Variants in CLUH observed in about 807,000 individuals in gnomAD.
CLUH encodes the protein CLUH binding protein of NUMT mRNA, also known as clustered mitochondria protein homolog.
CLUH carries 77 observed loss-of-function variants against 139.3 expected under a neutral mutation model. The observed-to-expected ratio is 0.55, with a 90% CI of 0.46 to 0.67. The LOEUF (loss-of-function observed/expected upper bound fraction) is 0.67. Among genes scored for constraint, CLUH ranks in the 30% least tolerant of loss-of-function variants. The probability of loss-of-function intolerance (pLI) is 0.00; values close to 1 mark genes in which losing one functional copy is unlikely to be tolerated. For missense variants in CLUH, 1,876 were observed against 1,875.8 expected, an observed-to-expected ratio of 1.00 and a Z score of 0.00; for synonymous variants, 999 against 801.6, an observed-to-expected ratio of 1.25 and a Z score of -4.16.
Position 2,707,207 on chromosome 17 carries a change from T to C in CLUH, c.101-2643A>G. ...TTGGCAGCTGCCCTCCCCTCGGCTC[T>C]GGAGTCTCAGGATGGCCGTGGCAGC... On this transcript the variant is annotated intron_variant, in intron 1 of 25. Transcript: ENST00000651024. This position sits in a 1 kb window ranked among gnomAD's most constrained non-coding sequence, Gnocchi z 7.4. 1.0e-6 allele frequency: 1 copy of C among 985,418 alleles called. No homozygotes were observed. The highest frequency in any genetic ancestry group is 1.2e-6 in the Non-Finnish European group (1 of 829,918). The allele number at this position is 985,418 out of a possible 1,614,324, so 61.0% of individuals were successfully genotyped here.
At chr17:2,709,702 G>A (rs539332245) in intron 1 of CLUH, among the ~76,000 whole-genome samples, 7 of 152,122 alleles carry the variant, frequency 4.6e-5, no homozygotes, top group Non-Finnish European at 7.4e-5. Context: ...CTTCCTAAGG[G>A]GGCTGAAGAG....
chr17:2,700,543 C>A, intron 8 of CLUH, 69 bp from the exon 9 acceptor site: 1 of 1,559,346 alleles, frequency 6.4e-7, no homozygotes, highest in Non-Finnish European at 8.7e-7. Flanking sequence ...GGAAGTCGCT[C>A]CTTCTACCTT....
intron 3 of CLUH, among the ~76,000 whole-genome samples, chr17:2,702,790 A>G (rs997622221): frequency 1.4e-5 from 2 of 142,052 alleles, no homozygotes; most frequent in Non-Finnish European, 3.1e-5. Context: ...GTACTGCCTG[A>G]TTTTTTTTTT....
chr17:2,691,954 CCGCCA>C (rs769800626), intron 23 of CLUH, 45 bp downstream of exon 23: 348,422 of 1,107,840 alleles, frequency 0.31, 60,982 homozygotes, highest in Admixed American at 0.34. Flanking sequence ...CGCCCCCGCC[CCGCCA>C]CGCCCCCGCC....
intron 25 of CLUH, 93 bp downstream of exon 25, chr17:2,691,516 G>T: frequency 7.8e-7 from 1 of 1,283,746 alleles, no homozygotes; most frequent in Non-Finnish European, 1.1e-6. Context: ...AGCCGGGATG[G>T]CGCCGCCGCA....
Position 2,696,259 on chromosome 17 carries a change from C to T in CLUH, c.2291G>A (p.Gly764Glu). The change falls in exon 13 of 26, where the codon GGG becomes GAG. Residue 764 changes from glycine to glutamate, a missense_variant and splice_region_variant. Physicochemically the swap from Gly to Glu is moderately conservative, Grantham distance 98. Coordinates refer to ENST00000651024, the MANE Select transcript of CLUH (RefSeq NM_001366661.1). ...CTGGCAGGACTCAGGGAAACGAACCCCTGGAGGAGGGAGAGCAGAGAGGCT... is the reference window on the plus strand; with the variant it reads ...CTGGCAGGACTCAGGGAAACGAACCTCTGGAGGAGGGAGAGCAGAGAGGCT... The part of the protein sequence containing the change: ...IRFNPDIFSP[G>E]VRFPESCQDE... 6.4e-7 allele frequency: 1 copy of T among 1,570,504 alleles called. No homozygotes were observed. The highest frequency in any genetic ancestry group is 1.2e-5 in the South Asian group (1 of 85,304).
Position 2,707,636 on chromosome 17 carries a change from G to A in CLUH, c.101-3072C>T, listed in dbSNP as rs568284758. On this transcript the variant is annotated intron_variant, in intron 1 of 25. Transcript: ENST00000651024. This position sits in a 1 kb window ranked among gnomAD's most constrained non-coding sequence, Gnocchi z 7.4. ...TAGGAGACTGGCTGGCAGGGGCAGG[G>A]CCCAGCAAGGGGGTCCTCTCCTCCG... 120 of 985,374 alleles carry A rather than the reference G, an allele frequency of 1.2e-4. 2 individuals are homozygous for A. The South Asian group carries it at 5.2e-3, about 42-fold the overall frequency. The allele number at this position is 985,374 out of a possible 1,614,324, so 61.0% of individuals were successfully genotyped here.
At chr17:2,694,347 C>A in intron 17 of CLUH, 71 bp from the exon 18 acceptor site, 1 of 1,528,278 alleles carries the variant, frequency 6.5e-7, no homozygotes, top group Non-Finnish European at 8.8e-7. Context: ...CCCAACCCAC[C>A]AACGCTTGCG....
At chr17:2,697,781 G>T in intron 10 of CLUH, 115 bp downstream of exon 10, 1 of 992,978 alleles carries the variant, frequency 1.0e-6, no homozygotes, top group Non-Finnish European at 1.4e-6. Flanking sequence ...GCTAGACGGA[G>T]CCCTTCTTCA....
At chr17:2,691,577 C>A in intron 25 of CLUH, 32 bp downstream of exon 25, 1 of 1,601,800 alleles carries the variant, frequency 6.2e-7, no homozygotes, top group East Asian at 2.2e-5. Context: ...AACCCCCAAC[C>A]GGGAGACACT....
At position 2,691,910 on chromosome 17, in the gene CLUH, G is replaced by A. The variant is rs1236962403; in HGVS notation, c.3655-15C>T. 9 of 1,494,424 alleles carry A rather than the reference G, an allele frequency of 6.0e-6. No homozygotes were observed. In the East Asian group the frequency reaches 1.3e-4, roughly 21 times the overall value. The allele number at this position is 1,494,424 out of a possible 1,614,324, so 92.6% of individuals were successfully genotyped here. The stretch of plus-strand genomic sequence containing the variant: ...TCCTCGCCCAGCTGCGGGGAGGCGG[G>A]AAGGGATCAGGCCCCCCCGTGCCCC... On this transcript the variant is annotated splice_polypyrimidine_tract_variant and intron_variant, in intron 23 of 25. Coordinates refer to ENST00000651024, the MANE Select transcript of CLUH (RefSeq NM_001366661.1).
chr17:2,706,623 G>A lies in CLUH; in HGVS notation c.101-2059C>T, dbSNP rs2070357433. 6.6e-6 allele frequency among the ~76,000 whole-genome samples: 1 copy of A among 151,986 alleles called. No individual in the cohort carries two copies. Among genetic ancestry groups the A allele is most frequent in the African/African-American group, 2.4e-5 (1 of 41,366 alleles). On this transcript the variant is annotated intron_variant, in intron 1 of 25. Transcript: ENST00000651024. The surrounding 1 kb of genome is among the most constrained non-coding windows in gnomAD (Gnocchi z 4.6). ...CCCCCAATCCCCTCGCACGTGAGCAGCCCCACACACCTGCCTGACTCTAGT... is the reference window on the plus strand; with the variant it reads ...CCCCCAATCCCCTCGCACGTGAGCAACCCCACACACCTGCCTGACTCTAGT...
Position 2,707,932 on chromosome 17 carries a change from C to A in CLUH, c.101-3368G>T. ...CAGCTTCCCAGAGGACAACTGCACC[C>A]GTGCCCCTGGCCTCCAGGCTCCATC... On this transcript the variant is annotated intron_variant, in intron 1 of 25. Transcript: ENST00000651024. This position sits in a 1 kb window ranked among gnomAD's most constrained non-coding sequence, Gnocchi z 7.4. 1 of 985,450 alleles carries A rather than the reference C, an allele frequency of 1.0e-6. No individual in the cohort carries two copies. Among genetic ancestry groups the A allele is most frequent in the Non-Finnish European group, 1.2e-6 (1 of 829,922 alleles). The allele number at this position is 985,450 out of a possible 1,614,324, so 61.0% of individuals were successfully genotyped here.
chr17:2,693,896 G>A lies in CLUH; in HGVS notation c.3231+4C>T, dbSNP rs201494497. The A allele has an allele frequency of 1.1e-5, 18 of 1,608,302 alleles. No homozygotes were observed. Among genetic ancestry groups the A allele is most frequent in the South Asian group, 2.2e-5 (2 of 90,314 alleles). On this transcript the variant is annotated splice_donor_region_variant and intron_variant, in intron 19 of 25. Coordinates refer to ENST00000651024, the MANE Select transcript of CLUH (RefSeq NM_001366661.1). ...GGCCTTTGCTGCCACAGCCCAGAGG[G>A]TACCTCTGCGTAGTCGCCCATGATG...
intron 1 of CLUH, among the ~76,000 whole-genome samples, chr17:2,705,462 C>T (rs1341894460): frequency 6.6e-6 from 1 of 152,158 alleles, no homozygotes; most frequent in Non-Finnish European, 1.5e-5. Flanking sequence ...ACCATGCAAG[C>T]CTGGTACCGC....
At position 2,707,844 on chromosome 17, in the gene CLUH, A is replaced by G; in HGVS notation, c.101-3280T>C. 1 of 985,368 alleles carries G rather than the reference A, an allele frequency of 1.0e-6. No homozygotes were observed. The highest frequency in any genetic ancestry group is 1.2e-6 in the Non-Finnish European group (1 of 829,894). 61.0% of individuals were successfully genotyped at this position (985,368 alleles called of 1,614,324 possible). On this transcript the variant is annotated intron_variant, in intron 1 of 25. Coordinates refer to ENST00000651024, the MANE Select transcript of CLUH (RefSeq NM_001366661.1). The surrounding 1 kb of genome is among the most constrained non-coding windows in gnomAD (Gnocchi z 7.4). The stretch of plus-strand genomic sequence containing the variant: ...TGGCTCCTGCTGCCCCCTGCAGGTG[A>G]CCTGGCTGCCAGCCCCTTCCTGGGA...
In CLUH at chr17:2,698,054, G is replaced by A; in HGVS notation, c.1803C>T (p.Ile601=). Residue 601 remains isoleucine (I), a synonymous_variant, in exon 10 of 26, where the codon ATC becomes ATT. Coordinates refer to ENST00000651024, the MANE Select transcript of CLUH (RefSeq NM_001366661.1). ...GIIGNDGRHY[I]LDLLRTFPPD... ...GGGGGAAGGTGCGCAGCAGGTCGAGGATGTAGTGGCGCCCGTCGTTGCCAA... is the reference window on the plus strand; with the variant it reads ...GGGGGAAGGTGCGCAGCAGGTCGAGAATGTAGTGGCGCCCGTCGTTGCCAA... 6.2e-7 allele frequency: 1 copy of A among 1,606,818 alleles called. No individual in the cohort carries two copies. Among genetic ancestry groups the A allele is most frequent in the South Asian group, 1.1e-5 (1 of 90,506 alleles).
In CLUH at chr17:2,706,250, G is replaced by A. The variant is rs183747782; in HGVS notation, c.101-1686C>T. Among the ~76,000 whole-genome samples, 394 of 152,196 alleles carry A rather than the reference G, an allele frequency of 2.6e-3. 1 individual carries two copies. The highest frequency in any genetic ancestry group is 9.1e-3 in the African/African-American group (377 of 41,512). ...CAGTACGGAAAGGCAGAGACCGGGGGGCCTGGAGAGAGTCGCTCCCTTTCC... is the reference window on the plus strand; with the variant it reads ...CAGTACGGAAAGGCAGAGACCGGGGAGCCTGGAGAGAGTCGCTCCCTTTCC... On this transcript the variant is annotated intron_variant, in intron 1 of 25. Coordinates refer to ENST00000651024, the MANE Select transcript of CLUH (RefSeq NM_001366661.1). This position sits in a 1 kb window ranked among gnomAD's most constrained non-coding sequence, Gnocchi z 4.6.
chr17:2,693,782 C>T, intron 19 of CLUH, 118 bp downstream of exon 19: 1 of 1,333,186 alleles, frequency 7.5e-7, no homozygotes, highest in Non-Finnish European at 1.0e-6. Context: ...GTGGCCTGGG[C>T]AGAACCAGCG....
Sources: allele counts gnomAD v4.1 joint callset (sites outside exome capture counted in the v4.1 genomes callset), GRCh38; gene constraint gnomAD v4.1.1; non-coding constraint Gnocchi (gnomAD v3.1); transcripts MANE v1.5; gene names NCBI Gene and HGNC (gene_info 2026-07-23, HGNC 2026-07-21).